The following PEG3 variants were observed in gnomAD, a reference collection of about 807,000 sequenced individuals.
The protein encoded by PEG3 is paternally expressed 3, also known as paternally-expressed gene 3 protein.
PEG3 carries 23 observed loss-of-function variants against 35.5 expected under a neutral mutation model. That is an observed-to-expected ratio of 0.65 (90% CI 0.47 to 0.92). The LOEUF is 0.92. PEG3 is among the 40% of genes least tolerant of loss of function. PEG3 has a pLI of 0.00. For synonymous variants in PEG3, 707 were observed against 697.0 expected (o/e 1.01, Z -0.23); for missense variants, 1,960 against 1,985.3 (o/e 0.99, Z 0.24).
chr19:56,823,212 A>G (rs1010232), intron 5 of PEG3, among the ~76,000 whole-genome samples: 1 of 151,832 alleles, frequency 6.6e-6, no homozygotes, highest in East Asian at 1.9e-4. Context: ...ATTCTACTAC[A>G]AAAAAAACAA....
chr19:56,835,503 T>C (rs1272331413), intron 2 of PEG3, among the ~76,000 whole-genome samples: 1 of 152,234 alleles, frequency 6.6e-6, no homozygotes, highest in Non-Finnish European at 1.5e-5. Context: ...AGCTTTAATG[T>C]TCTTTACCAT....
chr19:56,811,656 A>G lies in PEG3; in HGVS notation c.*2019T>C. 2 of 985,400 alleles carry G rather than the reference A, an allele frequency of 2.0e-6. No individual in the cohort carries two copies. The highest frequency in any genetic ancestry group is 2.4e-6 in the Non-Finnish European group (2 of 829,924). The allele number at this position is 985,400 out of a possible 1,614,324, so 61.0% of individuals were successfully genotyped here. A position where few individuals can be genotyped will look rare whatever the true frequency, so the allele number is the denominator to read the frequency against. ...ACCCACAAAGTTCACCCCGACATCA[A>G]CACTGATTCTCGTTTCAAGAGTCCT... is the stretch of plus-strand genomic sequence containing the variant. On this transcript the variant is annotated 3_prime_UTR_variant, in exon 10 of 10. Coordinates refer to ENST00000326441, the MANE Select transcript of PEG3 (RefSeq NM_006210.3).
Position 56,816,880 on chromosome 19 carries a change from G to A in PEG3, c.1562C>T (p.Ala521Val). The A allele has an allele frequency of 6.2e-7, 1 of 1,614,052 alleles. No homozygotes were observed. The highest frequency in any genetic ancestry group is 1.6e-4 in the Middle Eastern group (1 of 6,062). ...GETFNKSAAL[A>V]EHRKIHARGY... ...TCTAGCATGAATCTTCCGATGTTCA[G>A]CCAAGGCGGCACTCTTATTGAAGGT... The change falls in exon 10 of 10, where the codon GCT (alanine) becomes GTT (valine). Residue 521 changes from alanine (A) to valine (V), a missense_variant. This residue lies in a region of PEG3 where 798 missense variants were observed against 782.4 expected (regional missense o/e 1.02). Coordinates refer to ENST00000326441, the MANE Select transcript of PEG3 (RefSeq NM_006210.3).
chr19:56,818,070 A>G (rs2060143315), intron 8 of PEG3, among the ~76,000 whole-genome samples: 1 of 152,220 alleles, frequency 6.6e-6, no homozygotes, highest in Admixed American at 6.5e-5. Flanking sequence ...AAGACCCCAC[A>G]TGTCCCTGAA....
chr19:56,828,528 C>G (rs577483764), intron 2 of PEG3, among the ~76,000 whole-genome samples: 3 of 152,218 alleles, frequency 2.0e-5, no homozygotes, highest in African/African-American at 7.2e-5. Context: ...AATGCTCAAG[C>G]GTAATTCCAA....
At position 56,817,123 on chromosome 19, in the gene PEG3, G is replaced by A; in HGVS notation, c.1319C>T (p.Thr440Ile). Residue 440 changes from threonine to isoleucine, a missense_variant, in exon 10 of 10, where the codon ACC becomes ATC. Thr to Ile is a moderately conservative substitution (Grantham distance 89, BLOSUM62 -1). Around this residue, in one of 5 missense-constraint regions of PEG3, gnomAD observed 613 missense variants for 577.1 expected, o/e 1.06. Coordinates refer to ENST00000326441, the MANE Select transcript of PEG3 (RefSeq NM_006210.3). The stretch of plus-strand genomic sequence containing the variant: ...CCCAAAATCAATTGGCTGTGACTCG[G>A]TAAAGGAGGGGGAGCTGAGGCTGCT... ...SLSSLSSPSF[T>I]ESQPIDFGAM... 6.2e-7 allele frequency: 1 copy of A among 1,614,128 alleles called. No individual in the cohort carries two copies. Among genetic ancestry groups the A allele is most frequent in the Non-Finnish European group, 8.5e-7 (1 of 1,179,984 alleles).
At position 56,813,902 on chromosome 19, in the gene PEG3, A is replaced by T. The variant is rs2059723578; in HGVS notation, c.4540T>A (p.Phe1514Ile). 1 of 1,614,190 alleles carries T rather than the reference A, an allele frequency of 6.2e-7. No individual in the cohort carries two copies. Residue 1514 changes from phenylalanine (F) to isoleucine (I), a missense_variant, in exon 10 of 10, where the codon TTC becomes ATC. Transcript: ENST00000326441. ...TCACTGAATGCTGTGCTGGAAGTGAAGGTTTCTGTGCATTCATGGCAGTCA... is the reference window on the plus strand; with the variant it reads ...TCACTGAATGCTGTGCTGGAAGTGATGGTTTCTGTGCATTCATGGCAGTCA... ...YYDCHECTET[F>I]TSSTAFSEHL...
chr19:56,827,987 CTTTTGTT>C (rs1271474416), intron 2 of PEG3, among the ~76,000 whole-genome samples: 2 of 152,150 alleles, frequency 1.3e-5, no homozygotes, highest in Non-Finnish European at 2.9e-5. Context: ...GTATATTCTC[CTTTTGTT>C]TTTTGTTTTT....
intron 2 of PEG3, among the ~76,000 whole-genome samples, chr19:56,834,717 A>G (rs921671866): frequency 6.6e-6 from 1 of 152,090 alleles, no homozygotes; most frequent in Non-Finnish European, 1.5e-5. Flanking sequence ...TGAGGCCAGG[A>G]ATACACCAAC....
chr19:56,837,697 T>G (rs895961331), intron 1 of PEG3, among the ~76,000 whole-genome samples: 7 of 152,190 alleles, frequency 4.6e-5, no homozygotes, highest in African/African-American at 1.2e-4. Context: ...GCCCCACCCA[T>G]GAACCGGCAA....
rs1385447847 is a variant in PEG3, at chr19:56,813,408, G to T, written c.*267C>A. On this transcript the variant is annotated 3_prime_UTR_variant, in exon 10 of 10. Transcript: ENST00000326441. ...ACTCTGTAGTCTGGAATACTCATAG[G>T]GTTTTCTCAATCTGATTACTTGGAA... 7.9e-7 allele frequency: 1 copy of T among 1,268,042 alleles called. No homozygotes were observed. The highest frequency in any genetic ancestry group is 3.3e-5 in the East Asian group (1 of 30,262). The allele number at this position is 1,268,042 out of a possible 1,614,324, so 78.5% of individuals were successfully genotyped here.
intron 2 of PEG3, chr19:56,833,355 C>A: frequency 2.8e-6 from 1 of 363,422 alleles, no homozygotes; most frequent in Non-Finnish European, 5.4e-6. Context: ...CTCTCTTCGT[C>A]TCCCAGGGAC....
intron 1 of PEG3, among the ~76,000 whole-genome samples, chr19:56,838,939 C>T (rs2062576760): frequency 6.6e-6 from 1 of 151,952 alleles, no homozygotes; most frequent in African/African-American, 2.4e-5. Flanking sequence ...CTTGAACAGA[C>T]CGTCCCGCCC....
chr19:56,823,496 G>A (rs1368781516), intron 5 of PEG3, 97 bp downstream of exon 5: 28 of 1,445,298 alleles, frequency 1.9e-5, no homozygotes. Flanking sequence ...GGGGATGGCG[G>A]GTCATCTTCA....
intron 2 of PEG3, among the ~76,000 whole-genome samples, chr19:56,830,815 A>G (rs2061502332): frequency 6.6e-6 from 1 of 152,132 alleles, no homozygotes; most frequent in African/African-American, 2.4e-5. Context: ...TGAGCCTGTA[A>G]TCCAAACTAC....
In PEG3 at chr19:56,813,995, C is replaced by T. The variant is rs761656168; in HGVS notation, c.4447G>A (p.Asp1483Asn). 1.2e-6 allele frequency: 2 copies of T among 1,613,990 alleles called. No individual in the cohort carries two copies. Among genetic ancestry groups the T allele is most frequent in the East Asian group, 4.5e-5 (2 of 44,874 alleles). Residue 1483 changes from aspartate to asparagine, a missense_variant, in exon 10 of 10, where the codon GAC (aspartate) becomes AAC (asparagine). Transcript: ENST00000326441. Reference sequence around the variant, plus strand: ...TCTGGGTCTTCAATTCCCACACCGTCAGGCTCGTCGGCATCTCCCTCTGGC... The same window carrying T: ...TCTGGGTCTTCAATTCCCACACCGTTAGGCTCGTCGGCATCTCCCTCTGGC... Reference protein sequence around the residue: ...EEPEGDADEPDGVGIEDPEEG... With the variant: ...EEPEGDADEPNGVGIEDPEEG...
intron 2 of PEG3, 124 bp from the exon 3 acceptor site, chr19:56,826,587 T>C (rs2061056546): frequency 6.6e-6 from 1 of 152,186 alleles, no homozygotes; most frequent in Middle Eastern, 3.2e-3. Flanking sequence ...ATGCCTTCTA[T>C]ACCTTCGGGG....
chr19:56,820,805 T>C (rs2060412514), intron 7 of PEG3, among the ~76,000 whole-genome samples: 1 of 152,230 alleles, frequency 6.6e-6, no homozygotes, highest in South Asian at 2.1e-4. Flanking sequence ...GCAGGGCCCC[T>C]CTCTGTGTTG....
chr19:56,829,252 G>A (rs2061352926), intron 2 of PEG3, among the ~76,000 whole-genome samples: 1 of 151,076 alleles, frequency 6.6e-6, no homozygotes, highest in African/African-American at 2.4e-5. Flanking sequence ...GCTGAGGCAG[G>A]AGAATCACTT....
Sources: allele counts gnomAD v4.1 joint callset (sites outside exome capture counted in the v4.1 genomes callset), GRCh38; gene constraint gnomAD v4.1.1; regional missense constraint gnomAD v4.1.1; transcripts MANE v1.5; gene names NCBI Gene and HGNC (gene_info 2026-07-23, HGNC 2026-07-21).